Variants in TMEM87A observed in about 807,000 individuals in gnomAD.
TMEM87A encodes Golgi-pH regulating cation channel.
In TMEM87A, 50 loss-of-function variants were observed where a neutral mutation model predicts 90.0. That is an observed-to-expected ratio of 0.56 (90% CI 0.44 to 0.70). TMEM87A has a LOEUF of 0.70. TMEM87A is among the 30% of genes least tolerant of loss of function. The probability of loss-of-function intolerance (pLI) is 0.00; values close to 1 mark genes in which losing one functional copy is unlikely to be tolerated. For synonymous variants in TMEM87A, 226 were observed against 226.7 expected, an observed-to-expected ratio of 1.00 and a Z score of 0.03; for missense variants, 577 against 660.5, an observed-to-expected ratio of 0.87 and a Z score of 1.39.
intron 15 of TMEM87A, chr15:42,224,260 G>A (rs1255693274): frequency 6.6e-6 from 1 of 152,202 alleles, no homozygotes; most frequent in African/African-American, 2.4e-5. Flanking sequence ...GTATGTGATT[G>A]AGCCCCAGTA....
chr15:42,233,427 T>C (rs1228289483), intron 10 of TMEM87A, 121 bp from the exon 11 acceptor site: 1 of 661,808 alleles, frequency 1.5e-6, no homozygotes, highest in Non-Finnish European at 2.6e-6. Context: ...TAATATACAC[T>C]TGATTCACCT....
chr15:42,239,029 A>C (rs758436713), intron 8 of TMEM87A, among the ~76,000 whole-genome samples: 1 of 151,862 alleles, frequency 6.6e-6, no homozygotes, highest in Non-Finnish European at 1.5e-5. Flanking sequence ...AATGAAGAGA[A>C]GGGAGCTTCA....
intron 3 of TMEM87A, among the ~76,000 whole-genome samples, chr15:42,264,822 AAG>A (rs1686596310): frequency 6.6e-6 from 1 of 151,774 alleles, no homozygotes; most frequent in Non-Finnish European, 1.5e-5. Context: ...CCTAGTACTC[AAG>A]AGTTATTTTT....
At chr15:42,251,754 G>A (rs978501819) in intron 6 of TMEM87A, among the ~76,000 whole-genome samples, 6 of 152,218 alleles carry the variant, frequency 3.9e-5, no homozygotes, top group Non-Finnish European at 8.8e-5. Context: ...CAAACACTGT[G>A]CTGGGAGAAC....
chr15:42,252,778 T>C (rs1006602836), intron 6 of TMEM87A, among the ~76,000 whole-genome samples: 13 of 151,970 alleles, frequency 8.6e-5, no homozygotes, highest in Non-Finnish European at 1.8e-4. Flanking sequence ...GTCTGGTAAG[T>C]CTAATGCTGA....
At chr15:42,232,374 A>G (rs1222308897) in intron 11 of TMEM87A, among the ~76,000 whole-genome samples, 2 of 152,182 alleles carry the variant, frequency 1.3e-5, no homozygotes, top group Non-Finnish European at 2.9e-5. Flanking sequence ...CACTGCTCCC[A>G]GCCATAAATT....
At chr15:42,251,306 T>C (rs1209662498) in intron 6 of TMEM87A, among the ~76,000 whole-genome samples, 3 of 152,222 alleles carry the variant, frequency 2.0e-5, no homozygotes, top group Admixed American at 2.0e-4. Context: ...TGCAATCCTT[T>C]GGAGGAGAAG....
intron 3 of TMEM87A, 147 bp from the exon 4 acceptor site, chr15:42,264,350 A>G (rs2051356344): frequency 1.7e-6 from 1 of 583,464 alleles, no homozygotes; most frequent in African/African-American, 1.9e-5. Context: ...TAAAGGCTCT[A>G]TATAAAAATA....
intron 2 of TMEM87A, chr15:42,271,510 G>A (rs574939355): frequency 2.0e-5 from 3 of 151,992 alleles, no homozygotes; most frequent in Non-Finnish European, 2.9e-5. Flanking sequence ...TTGTAATATC[G>A]TATTTGTACT....
At chr15:42,224,690 T>G (rs2050557774) in intron 15 of TMEM87A, 1 of 152,238 alleles carries the variant, frequency 6.6e-6, no homozygotes, top group African/African-American at 2.4e-5. Context: ...AATATGTTAA[T>G]TTAACTGTAC....
chr15:42,255,552 T>G (rs1048729501), intron 6 of TMEM87A, among the ~76,000 whole-genome samples: 1 of 152,034 alleles, frequency 6.6e-6, no homozygotes, highest in African/African-American at 2.4e-5. Context: ...CATAAGCCAC[T>G]GCACTGCCCT....
At position 42,237,777 on chromosome 15, in the gene TMEM87A, C is replaced by T. The variant is rs146052864; in HGVS notation, c.685-162G>A. ...TTCTGGACTCAAGCAATCCTCCCATCTCTGCCTCCCAAAGTGTTGGGATTA... is the reference window on the plus strand; with the variant it reads ...TTCTGGACTCAAGCAATCCTCCCATTTCTGCCTCCCAAAGTGTTGGGATTA... On this transcript the variant is annotated intron_variant, in intron 8 of 19. Transcript: ENST00000389834. 7.1e-3 allele frequency among the ~76,000 whole-genome samples: 1,080 copies of T among 151,460 alleles called. 10 individuals carry two copies. The highest frequency in any genetic ancestry group is 0.025 in the African/African-American group (1,046 of 41,286).
intron 10 of TMEM87A, among the ~76,000 whole-genome samples, chr15:42,234,668 A>T (rs1248894028): frequency 6.6e-6 from 1 of 152,218 alleles, no homozygotes; most frequent in Admixed American, 6.5e-5. Flanking sequence ...CACTTAAAGC[A>T]AAATTCCTTT....
chr15:42,260,234 G>A (rs1370138322), intron 6 of TMEM87A, among the ~76,000 whole-genome samples: 2 of 152,074 alleles, frequency 1.3e-5, no homozygotes, highest in Non-Finnish European at 2.9e-5. Flanking sequence ...AATTAACCAG[G>A]CATGGTGGTA....
At chr15:42,250,085 A>G (rs1321323177) in intron 6 of TMEM87A, among the ~76,000 whole-genome samples, 1 of 152,130 alleles carries the variant, frequency 6.6e-6, no homozygotes, top group Non-Finnish European at 1.5e-5. Flanking sequence ...CTAGAATTGC[A>G]ACCCTGCTTT....
At chr15:42,273,463 C>T, upstream of TMEM87A, 5 of 1,601,602 alleles carry the variant, frequency 3.1e-6, no homozygotes, top group Non-Finnish European at 4.3e-6. Flanking sequence ...CGCCTTCTTC[C>T]GGCTCTGCTC....
upstream of TMEM87A, chr15:42,273,472 T>G: frequency 6.3e-7 from 1 of 1,592,658 alleles, no homozygotes. Context: ...CCGGCTCTGC[T>G]CTAAGGGCGG....
intron 19 of TMEM87A, among the ~76,000 whole-genome samples, chr15:42,216,324 C>A (rs1175086302): frequency 6.6e-6 from 1 of 152,134 alleles, no homozygotes; most frequent in Non-Finnish European, 1.5e-5. Context: ...TGTGCTTATA[C>A]GTAATAATAC....
chr15:42,217,006 C>T (rs1595703687), intron 19 of TMEM87A, among the ~76,000 whole-genome samples: 1 of 148,384 alleles, frequency 6.7e-6, no homozygotes, highest in East Asian at 2.0e-4. Context: ...TTTGCCCAGG[C>T]TGGAGTGGCG....
Sources: allele counts gnomAD v4.1 joint callset (sites outside exome capture counted in the v4.1 genomes callset), GRCh38; gene constraint gnomAD v4.1.1; transcripts MANE v1.5; gene names NCBI Gene and HGNC (gene_info 2026-07-23, HGNC 2026-07-21).